The following ANO4 variants were observed in gnomAD, a reference collection of about 807,000 sequenced individuals.
ANO4 encodes anoctamin-4.
Under a neutral mutation model 141.9 loss-of-function variants are expected in ANO4, and 69 were observed. The ratio of observed to expected loss-of-function variants is 0.49; its 90% CI spans 0.40 to 0.59. ANO4 has a LOEUF of 0.59. Among genes scored for constraint, ANO4 ranks in the 20% least tolerant of loss-of-function variants. The probability of loss-of-function intolerance (pLI) is 0.00; values close to 1 mark genes in which losing one functional copy is unlikely to be tolerated. For synonymous variants in ANO4, 350 were observed against 394.3 expected, an observed-to-expected ratio of 0.89 and a Z score of 1.33; for missense variants, 894 against 1,162.2, an observed-to-expected ratio of 0.77 and a Z score of 3.36.
In ANO4 at chr12:101,042,387, C is replaced by G. The variant is rs1249635086; in HGVS notation, c.1073C>G (p.Thr358Ser). 3 of 1,614,146 alleles carry G rather than the reference C, an allele frequency of 1.9e-6. No homozygotes were observed. The highest frequency in any genetic ancestry group is 3.3e-5 in the Admixed American group (2 of 60,018). ...TATTTTGCCTGGTTGGGCTGGTACA[C>G]CGGCATGCTCTTCCCAGCTGCCTTC... Reference protein sequence around the residue: ...GLYFAWLGWYTGMLFPAAFIG... With the variant: ...GLYFAWLGWYSGMLFPAAFIG... Residue 358 changes from threonine (T) to serine (S), a missense_variant, in exon 12 of 28, where the codon ACC (threonine) becomes AGC (serine). Thr to Ser is a moderately conservative substitution (Grantham distance 58). Transcript: ENST00000392977.
intron 3 of ANO4, among the ~76,000 whole-genome samples, chr12:100,789,717 A>G (rs1248661101): frequency 6.6e-6 from 1 of 152,168 alleles, no homozygotes; most frequent in Non-Finnish European, 1.5e-5. Context: ...GGAGATATAT[A>G]TGGTTCATAA....
intron 14 of ANO4, among the ~76,000 whole-genome samples, chr12:101,074,836 GTT>G (rs2048959966): frequency 6.6e-6 from 1 of 152,140 alleles, no homozygotes; most frequent in Non-Finnish European, 1.5e-5. Flanking sequence ...ATTAAGAATA[GTT>G]TTCCACATTT....
chr12:101,102,191 G>C (rs1381505593), intron 22 of ANO4, among the ~76,000 whole-genome samples: 1 of 151,966 alleles, frequency 6.6e-6, no homozygotes, highest in Non-Finnish European at 1.5e-5. Context: ...CGGCATTTTT[G>C]TACATGTATT....
At chr12:101,021,699 GTA>G (rs2046536292) in intron 9 of ANO4, among the ~76,000 whole-genome samples, 1 of 152,052 alleles carries the variant, frequency 6.6e-6, no homozygotes, top group South Asian at 2.1e-4. Flanking sequence ...TTTCTAATGT[GTA>G]TTTTCTTTTC....
Position 101,080,956 on chromosome 12 carries a change from C to CAT in ANO4, c.1395+1692_1395+1693dup, listed in dbSNP as rs572735757. Among the ~76,000 whole-genome samples, 1,204 of 136,596 alleles carry CAT rather than the reference C, an allele frequency of 8.8e-3. 18 individuals carry two copies. Among genetic ancestry groups the CAT allele is most frequent in the African/African-American group, 0.03 (1,094 of 36,598 alleles). The allele number at this position is 136,596 out of a possible 152,430, so 89.6% of individuals were successfully genotyped here. On this transcript the variant is annotated intron_variant, in intron 15 of 27. Transcript: ENST00000392977. ...TTTCTTCAAGTGGCCAATTTTCAAACATATATATATATGTGTATATATATC... is the reference window on the plus strand; with the variant it reads ...TTTCTTCAAGTGGCCAATTTTCAAACATATATATATATATGTGTATATATATC...
chr12:100,873,718 C>T (rs2039148798), intron 1 of ANO4, among the ~76,000 whole-genome samples: 1 of 152,142 alleles, frequency 6.6e-6, no homozygotes, highest in East Asian at 1.9e-4. Context: ...GCCAGCCCAG[C>T]TATGTGGTAG....
intron 14 of ANO4, among the ~76,000 whole-genome samples, chr12:101,065,716 G>C (rs1306999374): frequency 6.6e-6 from 1 of 152,024 alleles, no homozygotes; most frequent in Non-Finnish European, 1.5e-5. Flanking sequence ...TACTTGAACT[G>C]TTCTAAAAAA....
At chr12:100,939,253 T>A (rs2042407417) in intron 3 of ANO4, 62 bp from the exon 4 acceptor site, 1 of 1,517,830 alleles carries the variant, frequency 6.6e-7, no homozygotes, top group Non-Finnish European at 9.0e-7. Context: ...TTTTCTCTTT[T>A]AGCATTGCTT....
At chr12:100,987,002 C>T (rs576916198) in intron 7 of ANO4, 51 of 154,364 alleles carry the variant, frequency 3.3e-4, no homozygotes, top group Non-Finnish European at 5.8e-4. Context: ...GCCAAAAATC[C>T]GGCTGCCTGC....
chr12:100,885,795 CG>C (rs1205039862), intron 1 of ANO4, among the ~76,000 whole-genome samples: 3 of 152,126 alleles, frequency 2.0e-5, no homozygotes, highest in African/African-American at 7.2e-5. Context: ...GTATTTTCTT[CG>C]GAAGTTGCAG....
chr12:100,756,393 A>G (rs1166818281), intron 3 of ANO4, among the ~76,000 whole-genome samples: 1 of 152,182 alleles, frequency 6.6e-6, no homozygotes, highest in Non-Finnish European at 1.5e-5. Context: ...TCTGTTGCCC[A>G]GGCTGGAGTG....
At chr12:100,933,310 C>T (rs905717184) in intron 3 of ANO4, among the ~76,000 whole-genome samples, 1 of 151,998 alleles carries the variant, frequency 6.6e-6, no homozygotes, top group Admixed American at 6.6e-5. Context: ...TGATGTTCCC[C>T]GTCCTGTGTC....
intron 3 of ANO4, among the ~76,000 whole-genome samples, chr12:100,758,329 T>C (rs1367176478): frequency 6.6e-6 from 1 of 152,208 alleles, no homozygotes; most frequent in Non-Finnish European, 1.5e-5. Flanking sequence ...TGGGAGCAGA[T>C]GGGCACCTTC....
intron 5 of ANO4, among the ~76,000 whole-genome samples, chr12:100,955,488 G>T (rs2043142552): frequency 6.6e-6 from 1 of 152,204 alleles, no homozygotes; most frequent in African/African-American, 2.4e-5. Context: ...AGCCCTAGAA[G>T]CATTTATTCT....
At chr12:100,941,038 GT>G (rs2042488528) in intron 4 of ANO4, among the ~76,000 whole-genome samples, 1 of 151,828 alleles carries the variant, frequency 6.6e-6, no homozygotes, top group Non-Finnish European at 1.5e-5. Context: ...TCAAATTATA[GT>G]GACAAACTAA....
At chr12:101,081,008 TA>T (rs1299415079) in intron 15 of ANO4, among the ~76,000 whole-genome samples, 1 of 123,020 alleles carries the variant, frequency 8.1e-6, no homozygotes, top group Non-Finnish European at 1.7e-5. Context: ...AATATACATA[TA>T]TATATGTATG....
intron 22 of ANO4, among the ~76,000 whole-genome samples, chr12:101,100,600 C>T (rs2050152176): frequency 6.6e-6 from 1 of 152,100 alleles, no homozygotes; most frequent in East Asian, 1.9e-4. Context: ...GGATTCTTCT[C>T]CCATAAAGAA....
intron 1 of ANO4, among the ~76,000 whole-genome samples, chr12:100,805,191 T>C (rs1302648029): frequency 6.6e-6 from 1 of 152,192 alleles, no homozygotes; most frequent in East Asian, 1.9e-4. Context: ...CCCAGCACCA[T>C]TTATTAAATA....
At chr12:100,739,574 A>T (rs1048745173) in intron 2 of ANO4, among the ~76,000 whole-genome samples, 5 of 151,898 alleles carry the variant, frequency 3.3e-5, no homozygotes, top group Non-Finnish European at 5.9e-5. Context: ...GCCTTAAGTA[A>T]TTTTTTTTAT....
Sources: gnomAD v4.1 joint callset for allele counts (sites outside exome capture counted in the v4.1 genomes callset) on GRCh38, gnomAD v4.1.1 for gene constraint, MANE v1.5 for transcripts, NCBI Gene and HGNC (gene_info 2026-07-23, HGNC 2026-07-21) for gene names.